The following ENTPD5 variants were observed in gnomAD, a reference collection of about 807,000 sequenced individuals.
ENTPD5 encodes the protein nucleoside diphosphate phosphatase ENTPD5.
Under a neutral mutation model 60.2 loss-of-function variants are expected in ENTPD5, and 49 were observed. The observed-to-expected ratio is 0.81, with a 90% CI of 0.65 to 1.03. The LOEUF (loss-of-function observed/expected upper bound fraction) is 1.03. Ranked by LOEUF, ENTPD5 falls within the 50% of genes least tolerant of loss-of-function variation. The pLI is 0.00. For synonymous variants in ENTPD5, 187 were observed against 185.4 expected (o/e 1.01, Z -0.07); for missense variants, 480 against 507.6 (o/e 0.95, Z 0.52).
chr14:74,011,715 T>TCAGCCTCCCAAGGAAGGC (rs1242906978), intron 2 of ENTPD5, among the ~76,000 whole-genome samples: 13 of 152,144 alleles, frequency 8.5e-5, no homozygotes, highest in Non-Finnish European at 1.8e-4. Context: ...GGAGGATTGC[T>TCAGCCTCCCAAGGAAGGC]TGAATATGGG....
downstream of ENTPD5, chr14:73,956,090 T>C (rs901852159): frequency 2.1e-4 from 203 of 945,240 alleles, 4 homozygotes; most frequent in South Asian, 2.0e-3. Flanking sequence ...TTTTGGAGGC[T>C]AAGGCGGGCG....
Position 73,997,862 on chromosome 14 carries a change from C to T in ENTPD5, c.-70-9690G>A, listed in dbSNP as rs138481126. On this transcript the variant is annotated intron_variant, in intron 3 of 15. Transcript: ENST00000334696. ...AATTGAATCCCAAATGGACTTGGTACAATTAGGCTAATGGAATATGCAGGC... is the reference window on the plus strand; with the variant it reads ...AATTGAATCCCAAATGGACTTGGTATAATTAGGCTAATGGAATATGCAGGC... Among the ~76,000 whole-genome samples the T allele has an allele frequency of 1.8e-3, 277 of 152,196 alleles. 3 individuals are homozygous for T. Among genetic ancestry groups the T allele is most frequent in the African/African-American group, 6.5e-3 (270 of 41,498 alleles).
At chr14:73,957,100 T>A (rs982175324), downstream of ENTPD5, among the ~76,000 whole-genome samples, 13 of 122,330 alleles carry the variant, frequency 1.1e-4, no homozygotes, top group South Asian at 2.6e-4. Flanking sequence ...TTATTATTAT[T>A]ATTTTTTTTT....
chr14:73,995,616 A>AATG (rs1298170630), intron 3 of ENTPD5, among the ~76,000 whole-genome samples: 2 of 150,882 alleles, frequency 1.3e-5, no homozygotes, highest in East Asian at 3.9e-4. Context: ...TAATAATAAT[A>AATG]ATAGCTGACT....
At chr14:74,011,315 C>T (rs964951436) in intron 2 of ENTPD5, among the ~76,000 whole-genome samples, 165 bp from the exon 3 acceptor site, 9 of 152,122 alleles carry the variant, frequency 5.9e-5, no homozygotes, top group African/African-American at 1.9e-4. Context: ...TAGTCTAATG[C>T]CCTTCAGCTC....
chr14:73,967,645 A>G (rs2057033831), intron 15 of ENTPD5, among the ~76,000 whole-genome samples: 1 of 151,912 alleles, frequency 6.6e-6, no homozygotes. Flanking sequence ...CGTCTCTACA[A>G]AAAAATTAGA....
chr14:73,979,251 AC>A (rs1380594344), intron 6 of ENTPD5, among the ~76,000 whole-genome samples: 1 of 149,430 alleles, frequency 6.7e-6, no homozygotes, highest in African/African-American at 2.5e-5. Context: ...TTTCCCCCAC[AC>A]TATCAACAGA....
chr14:73,983,289 C>G (rs2057767086), intron 5 of ENTPD5, 128 bp from the exon 6 acceptor site: 1 of 953,606 alleles, frequency 1.0e-6, no homozygotes, highest in Admixed American at 2.7e-5. Context: ...TCTCTCTGCT[C>G]TGTAGCAGGA....
intron 3 of ENTPD5, among the ~76,000 whole-genome samples, chr14:74,004,481 G>A (rs1221325184): frequency 1.3e-5 from 2 of 152,120 alleles, no homozygotes; most frequent in Non-Finnish European, 2.9e-5. Flanking sequence ...TATTTCTGTG[G>A]TTTGGGACTC....
rs189798085 is a variant in ENTPD5, at chr14:74,014,673, C to A, written c.-131+1151G>T. On this transcript the variant is annotated intron_variant, in intron 2 of 15. Coordinates refer to ENST00000334696, the MANE Select transcript of ENTPD5 (RefSeq NM_001249.5). ...AGTGATAAGATTAAATCCTTGACCGCCAGGATTTCTTAAAATGCCCCTGCA... is the reference window on the plus strand; with the variant it reads ...AGTGATAAGATTAAATCCTTGACCGACAGGATTTCTTAAAATGCCCCTGCA... 1.6e-3 allele frequency among the ~76,000 whole-genome samples: 248 copies of A among 152,202 alleles called. 1 individual carries two copies. Among genetic ancestry groups the A allele is most frequent in the Non-Finnish European group, 2.8e-3 (193 of 68,024 alleles).
chr14:73,982,915 G>A, intron 6 of ENTPD5, 103 bp downstream of exon 6: 12 of 1,184,274 alleles, frequency 1.0e-5, no homozygotes, highest in Non-Finnish European at 1.4e-5. Context: ...TGGCAGTGGT[G>A]GAATACTGAA....
intron 3 of ENTPD5, among the ~76,000 whole-genome samples, chr14:73,994,396 G>C (rs1315072500): frequency 2.0e-5 from 3 of 151,812 alleles, no homozygotes; most frequent in Admixed American, 6.6e-5. Flanking sequence ...CAAAGTCCTG[G>C]GATAACAGGC....
intron 3 of ENTPD5, among the ~76,000 whole-genome samples, chr14:74,008,041 C>A (rs1429916277): frequency 6.6e-6 from 1 of 151,790 alleles, no homozygotes; most frequent in Non-Finnish European, 1.5e-5. Context: ...ACTATGTTGG[C>A]CACACTGGTT....
chr14:73,978,358 C>T (rs975083876), intron 6 of ENTPD5, among the ~76,000 whole-genome samples: 8 of 151,918 alleles, frequency 5.3e-5, no homozygotes, highest in African/African-American at 1.7e-4. Context: ...CATCCCAGCA[C>T]TTTTGGAGGC....
Position 73,976,339 on chromosome 14 carries a change from G to C in ENTPD5, c.627C>G (p.Phe209Leu). The C allele has an allele frequency of 6.2e-7, 1 of 1,614,046 alleles. No homozygotes were observed. Among genetic ancestry groups the C allele is most frequent in the South Asian group, 1.1e-5 (1 of 91,082 alleles). Reference protein sequence around the residue: ...DLGGASTQITFLPQFEKTLEQ... With the variant: ...DLGGASTQITLLPQFEKTLEQ... ...AATGACTCACCTCAAACTGGGGCAG[G>C]AACGTGATTTGGGTGGAGGCTCCCC... Residue 209 changes from phenylalanine to leucine, a missense_variant, in exon 9 of 16, where the codon TTC (phenylalanine) becomes TTG (leucine). By Grantham distance (22) the Phe-to-Leu change is conservative (BLOSUM62 0). Coordinates refer to ENST00000334696, the MANE Select transcript of ENTPD5 (RefSeq NM_001249.5).
At chr14:73,977,088 T>A in intron 7 of ENTPD5, 29 bp from the exon 8 acceptor site, 2 of 1,599,910 alleles carry the variant, frequency 1.3e-6, no homozygotes, top group Non-Finnish European at 1.7e-6. Flanking sequence ...AAGGATTAGA[T>A]CCCAGAGCAT....
downstream of ENTPD5, chr14:73,962,720 G>A: frequency 1.9e-6 from 1 of 518,488 alleles, no homozygotes; most frequent in Non-Finnish European, 3.4e-6. Context: ...AGGAGGCTGG[G>A]GAGGGAGGAT....
intron 5 of ENTPD5, among the ~76,000 whole-genome samples, chr14:73,984,086 G>A (rs1429504606): frequency 2.6e-5 from 4 of 151,568 alleles, no homozygotes; most frequent in East Asian, 1.9e-4. Flanking sequence ...GGAGTGCAAC[G>A]GCACAATCTC....
Position 74,005,274 on chromosome 14 carries a change from AAAAAAAAGAAAAAAAG to A in ENTPD5, c.-71+5801_-71+5816del, listed in dbSNP as rs1229197658. 3.5e-3 allele frequency among the ~76,000 whole-genome samples: 435 copies of A among 125,546 alleles called. 1 individual carries two copies. The highest frequency in any genetic ancestry group is 5.8e-3 in the Non-Finnish European group (345 of 59,618). The allele number at this position is 125,546 out of a possible 152,430, so 82.4% of individuals were successfully genotyped here. ...GGGTGAGACTCAGTCTCAAAAAAAAAAAAAAAAGAAAAAAAGAAAAAAAGAAAAAAAGAAATAAACC... is the reference window on the plus strand; with the variant it reads ...GGGTGAGACTCAGTCTCAAAAAAAAAAAAAAAAGAAAAAAAGAAATAAACC... On this transcript the variant is annotated intron_variant, in intron 3 of 15. Transcript: ENST00000334696.
Sources: gnomAD v4.1 joint callset for allele counts (sites outside exome capture counted in the v4.1 genomes callset) on GRCh38, gnomAD v4.1.1 for gene constraint, MANE v1.5 for transcripts, NCBI Gene and HGNC (gene_info 2026-07-23, HGNC 2026-07-21) for gene names.